VPS13B: variants seen among roughly 807,000 people sequenced by gnomAD.
The protein encoded by VPS13B is intermembrane lipid transfer protein VPS13B.
In VPS13B, 285 loss-of-function variants were observed where a neutral mutation model predicts 426.4. The ratio of observed to expected loss-of-function variants is 0.67; its 90% CI spans 0.61 to 0.74. VPS13B has a LOEUF of 0.74. Ranked by LOEUF, VPS13B falls within the 30% of genes least tolerant of loss-of-function variation. The pLI, the probability that VPS13B is intolerant of heterozygous loss-of-function variation, is 0.00. For missense variants in VPS13B, 4,537 were observed against 4,782.6 expected (o/e 0.95, Z 1.51); for synonymous variants, 1,676 against 1,676.4 (o/e 1.00, Z 0.01).
chr8:99,108,376 T>C (rs759372246), intron 5 of VPS13B, among the ~76,000 whole-genome samples: 7 of 152,222 alleles, frequency 4.6e-5, no homozygotes, highest in Non-Finnish European at 8.8e-5. Flanking sequence ...TTTTGAGGTC[T>C]TAGTCATAAA....
At chr8:99,640,259 CT>C (rs1251180116) in intron 33 of VPS13B, among the ~76,000 whole-genome samples, 1 of 151,766 alleles carries the variant, frequency 6.6e-6, no homozygotes, top group East Asian at 1.9e-4. Flanking sequence ...AATAATTCCA[CT>C]TTTTAAAAAT....
chr8:99,199,129 A>T (rs1258374248), intron 17 of VPS13B, among the ~76,000 whole-genome samples: 1 of 152,058 alleles, frequency 6.6e-6, no homozygotes, highest in East Asian at 1.9e-4. Context: ...ACATTTTTGG[A>T]TCTCTCAGAC....
chr8:99,830,357 G>T (rs1388572908), intron 51 of VPS13B, among the ~76,000 whole-genome samples: 2 of 152,182 alleles, frequency 1.3e-5, no homozygotes, highest in Admixed American at 6.5e-5. Context: ...GCTGTGGTGG[G>T]CTCTTCCCAG....
chr8:99,815,125 A>C (rs1339198018), intron 44 of VPS13B, among the ~76,000 whole-genome samples: 1 of 103,694 alleles, frequency 9.6e-6, no homozygotes, highest in African/African-American at 3.2e-5. Context: ...ACACATGTAC[A>C]TGCATGGGTG....
Position 99,855,471 on chromosome 8 carries a change from C to A in VPS13B, c.10867+1215C>A, listed in dbSNP as rs140693949. 7.9e-5 allele frequency among the ~76,000 whole-genome samples: 12 copies of A among 152,250 alleles called. No homozygotes were observed. In the East Asian group the frequency reaches 2.3e-3, roughly 29 times the overall value. On this transcript the variant is annotated intron_variant, in intron 56 of 61. Coordinates refer to ENST00000357162, the MANE Select transcript of VPS13B (RefSeq NM_152564.5). Reference sequence around the variant, plus strand: ...AGTGTGTGTTCTTGAGCCAGGTTCACTCTAAAGCAGTTTTAATTTGATAAT... The same window carrying A: ...AGTGTGTGTTCTTGAGCCAGGTTCAATCTAAAGCAGTTTTAATTTGATAAT...
At chr8:99,404,626 A>G (rs899404230) in intron 21 of VPS13B, among the ~76,000 whole-genome samples, 1 of 152,236 alleles carries the variant, frequency 6.6e-6, no homozygotes, top group Admixed American at 6.5e-5. Context: ...AGTACTACAT[A>G]AAGGTCACTT....
chr8:99,093,949 A>G (rs1283990536), intron 3 of VPS13B: 1 of 152,206 alleles, frequency 6.6e-6, no homozygotes, highest in Non-Finnish European at 1.5e-5. Flanking sequence ...CAAAAATTTG[A>G]AAACTCATCG....
intron 19 of VPS13B, among the ~76,000 whole-genome samples, chr8:99,286,777 A>G (rs1251857283): frequency 6.6e-6 from 1 of 152,132 alleles, no homozygotes; most frequent in Non-Finnish European, 1.5e-5. Flanking sequence ...ATTTCTAGCT[A>G]TGGGTGGTTT....
chr8:99,467,322 A>G, intron 23 of VPS13B, 92 bp from the exon 24 acceptor site: 1 of 1,294,252 alleles, frequency 7.7e-7, no homozygotes, highest in Non-Finnish European at 1.1e-6. Context: ...TATTAGTCAT[A>G]AATGTTAAAT....
chr8:99,540,009 TAAATTATATATA>T (rs1203085273), intron 30 of VPS13B, among the ~76,000 whole-genome samples: 18 of 86,670 alleles, frequency 2.1e-4, no homozygotes, highest in African/African-American at 6.9e-4. Context: ...AATATATAAA[TAAATTATATATA>T]TATATATATA....
chr8:99,049,378 T>G (rs1563505703), intron 3 of VPS13B, among the ~76,000 whole-genome samples: 1 of 120,546 alleles, frequency 8.3e-6, no homozygotes, highest in Non-Finnish European at 1.8e-5. Flanking sequence ...ATCTCAGTAT[T>G]TATTTGTCTG....
chr8:99,049,333 C>T (rs1219215048), intron 3 of VPS13B, among the ~76,000 whole-genome samples: 1 of 151,808 alleles, frequency 6.6e-6, no homozygotes, highest in Non-Finnish European at 1.5e-5. Context: ...CCCCTTTTAG[C>T]AGTTCTTGTA....
chr8:99,665,109 A>G (rs559607580), intron 35 of VPS13B, among the ~76,000 whole-genome samples: 131 of 152,202 alleles, frequency 8.6e-4, no homozygotes, highest in Non-Finnish European at 1.6e-3. Flanking sequence ...GGCTACATAA[A>G]TGTCTTCTTT....
intron 19 of VPS13B, among the ~76,000 whole-genome samples, chr8:99,313,883 C>G (rs117757262): frequency 2.6e-5 from 4 of 152,136 alleles, no homozygotes; most frequent in Admixed American, 2.0e-4. Context: ...GCCCCTCCCC[C>G]ACCCTTGCTG....
chr8:99,173,420 CTTA>C (rs1229073774), intron 16 of VPS13B, among the ~76,000 whole-genome samples: 2 of 152,102 alleles, frequency 1.3e-5, no homozygotes, highest in East Asian at 1.9e-4. Context: ...GCCAGTAATA[CTTA>C]TTATCAACAC....
chr8:99,456,974 A>G (rs1818495047), intron 23 of VPS13B, among the ~76,000 whole-genome samples: 2 of 151,722 alleles, frequency 1.3e-5, no homozygotes, highest in Admixed American at 6.6e-5. Context: ...TTTCTTTGTT[A>G]TAGGTCTATA....
intron 23 of VPS13B, among the ~76,000 whole-genome samples, chr8:99,462,964 T>G (rs1041418419): frequency 4.6e-5 from 7 of 152,212 alleles, no homozygotes; most frequent in African/African-American, 1.7e-4. Context: ...GTCTATTGTT[T>G]AAGCCACTAG....
chr8:99,109,533 C>T (rs1005634990), intron 5 of VPS13B, among the ~76,000 whole-genome samples: 1 of 152,010 alleles, frequency 6.6e-6, no homozygotes, highest in African/African-American at 2.4e-5. Context: ...TCTGCATTTG[C>T]CACCACACCC....
intron 17 of VPS13B, among the ~76,000 whole-genome samples, chr8:99,266,218 G>A (rs1313824462): frequency 6.6e-6 from 1 of 151,876 alleles, no homozygotes; most frequent in Non-Finnish European, 1.5e-5. Flanking sequence ...AAAAGAATTA[G>A]GGTTAGCCTG....
Sources: allele counts gnomAD v4.1 joint callset (sites outside exome capture counted in the v4.1 genomes callset), GRCh38; gene constraint gnomAD v4.1.1; transcripts MANE v1.5; gene names NCBI Gene and HGNC (gene_info 2026-07-23, HGNC 2026-07-21).